ANKRD31: variants seen among roughly 807,000 people sequenced by gnomAD.
ANKRD31 encodes ankyrin repeat domain-containing protein 31.
Under a neutral mutation model 186.0 loss-of-function variants are expected in ANKRD31, and 147 were observed. That is an observed-to-expected ratio of 0.79 (90% confidence interval 0.69 to 0.91). ANKRD31 has a LOEUF of 0.91. ANKRD31 is among the 40% of genes least tolerant of loss of function. ANKRD31 has a pLI of 0.00. For missense variants in ANKRD31, 1,986 were observed against 2,148.8 expected, an observed-to-expected ratio of 0.92 and a Z score of 1.50; for synonymous variants, 673 against 736.4, an observed-to-expected ratio of 0.91 and a Z score of 1.39.
At chr5:75,115,017 G>T (rs886757179) in intron 19 of ANKRD31, among the ~76,000 whole-genome samples, 5 of 152,014 alleles carry the variant, frequency 3.3e-5, no homozygotes, top group Admixed American at 6.6e-5. Context: ...ATACTACAAG[G>T]CTACAGTAAC....
intron 11 of ANKRD31, among the ~76,000 whole-genome samples, chr5:75,166,864 G>A (rs1752960101): frequency 6.6e-6 from 1 of 152,102 alleles, no homozygotes; most frequent in African/African-American, 2.4e-5. Context: ...CTGATCATTT[G>A]TAATTCTCAA....
chr5:75,229,608 T>G (rs1337022250), intron 2 of ANKRD31, among the ~76,000 whole-genome samples: 2 of 152,172 alleles, frequency 1.3e-5, no homozygotes, highest in African/African-American at 2.4e-5. Context: ...AACTCATACC[T>G]GTAATCCCAG....
At chr5:75,179,816 T>C (rs934047877) in intron 10 of ANKRD31, among the ~76,000 whole-genome samples, 1 of 152,004 alleles carries the variant, frequency 6.6e-6, no homozygotes, top group African/African-American at 2.4e-5. Flanking sequence ...TCCTTGAAAA[T>C]GGGCACAAGA....
intron 23 of ANKRD31, 33 bp downstream of exon 23, chr5:75,091,228 A>T: frequency 6.7e-7 from 1 of 1,496,982 alleles, no homozygotes; most frequent in Non-Finnish European, 8.8e-7. Flanking sequence ...CCATTTGAAT[A>T]TGAAGTTAAA....
intron 3 of ANKRD31, among the ~76,000 whole-genome samples, chr5:75,212,135 T>C (rs1018931041): frequency 6.6e-6 from 1 of 152,190 alleles, no homozygotes; most frequent in African/African-American, 2.4e-5. Flanking sequence ...TCATAACTCC[T>C]TTCCATACAT....
At chr5:75,140,528 C>G (rs1359677354) in intron 15 of ANKRD31, among the ~76,000 whole-genome samples, 1 of 152,180 alleles carries the variant, frequency 6.6e-6, no homozygotes, top group Non-Finnish European at 1.5e-5. Context: ...TCCTAATGAT[C>G]CTCACCATCT....
At chr5:75,120,212 T>C (rs1478026607) in intron 17 of ANKRD31, among the ~76,000 whole-genome samples, 5 of 152,074 alleles carry the variant, frequency 3.3e-5, no homozygotes, top group Middle Eastern at 3.4e-3. Flanking sequence ...CTGTGCAACA[T>C]AGGGAGACCT....
chr5:75,104,347 T>C lies in ANKRD31; in HGVS notation c.5212A>G (p.Thr1738Ala), dbSNP rs1226257093. ...CTGTAGTTTAAAGCCTTTTTTATTGTATCTTGTTGCCCAGATCCAGAGGAA... is the reference window on the plus strand; with the variant it reads ...CTGTAGTTTAAAGCCTTTTTTATTGCATCTTGTTGCCCAGATCCAGAGGAA... ...SSSSGSGQQD[T>A]IKKALNYSTA... is the part of the protein sequence containing the mutation. Residue 1738 changes from threonine (T) to alanine (A), a missense_variant, in exon 22 of 26, where the codon ACA becomes GCA. Transcript: ENST00000506364. The C allele has an allele frequency of 3.3e-6, 5 of 1,537,140 alleles. No homozygotes were observed. The highest frequency in any genetic ancestry group is 4.4e-6 in the Non-Finnish European group (5 of 1,146,900).
chr5:75,211,088 T>C (rs1224323499), intron 3 of ANKRD31, among the ~76,000 whole-genome samples: 1 of 152,150 alleles, frequency 6.6e-6, no homozygotes, highest in African/African-American at 2.4e-5. Flanking sequence ...ACCAAGACCA[T>C]CATGAACTTC....
intron 11 of ANKRD31, among the ~76,000 whole-genome samples, chr5:75,162,480 ACTTGT>A (rs1382483537): frequency 3.3e-5 from 5 of 152,150 alleles, no homozygotes; most frequent in African/African-American, 1.2e-4. Flanking sequence ...GGTGGAAGGG[ACTTGT>A]CTTGTCTCAG....
chr5:75,203,533 C>T lies in ANKRD31; in HGVS notation c.403+2878G>A, dbSNP rs1413425816. Among the ~76,000 whole-genome samples the T allele has an allele frequency of 5.3e-5, 8 of 151,734 alleles. No homozygotes were observed. The East Asian group carries it at 1.6e-3, about 29-fold the overall frequency. ...CAAAAATTAGCCAGGCCTGGTGGCA[C>T]GTGCCTATAATCCCAGCTACTCAGG... On this transcript the variant is annotated intron_variant, in intron 5 of 25. Transcript: ENST00000506364.
intron 10 of ANKRD31, among the ~76,000 whole-genome samples, chr5:75,178,806 A>T (rs1580495939): frequency 6.6e-6 from 1 of 152,202 alleles, no homozygotes; most frequent in South Asian, 2.1e-4. Context: ...TTGACACCCT[A>T]ACTTCACAAT....
At position 75,118,194 on chromosome 5, in the gene ANKRD31, A is replaced by G; in HGVS notation, c.3980T>C (p.Leu1327Pro). 2 of 1,528,394 alleles carry G rather than the reference A, an allele frequency of 1.3e-6. No homozygotes were observed. The highest frequency in any genetic ancestry group is 1.2e-5 in the South Asian group (1 of 81,930). 94.7% of individuals were successfully genotyped at this position (1,528,394 alleles called of 1,614,324 possible). The change falls in exon 18 of 26, where the codon CTA becomes CCA. Residue 1327 changes from leucine to proline, a missense_variant. Physicochemically the swap from Leu to Pro is moderately conservative, Grantham distance 98 (BLOSUM62 -3). Transcript: ENST00000506364. ...EADDEKMKEL[L>P]RSYGAIETVN... Reference sequence around the variant, plus strand: ...AGTCTCAATAGCACCATAAGATCTTAGTAATTCTTTCATTTTTTCATCATC... The same window carrying G: ...AGTCTCAATAGCACCATAAGATCTTGGTAATTCTTTCATTTTTTCATCATC...
At chr5:75,118,874 A>G (rs1404027218) in intron 17 of ANKRD31, among the ~76,000 whole-genome samples, 1 of 152,074 alleles carries the variant, frequency 6.6e-6, no homozygotes, top group African/African-American at 2.4e-5. Flanking sequence ...TCTTTCCCCA[A>G]GCTGCTGGAG....
At chr5:75,125,845 G>C (rs563986294) in intron 17 of ANKRD31, among the ~76,000 whole-genome samples, 3 of 152,306 alleles carry the variant, frequency 2.0e-5, no homozygotes, top group Admixed American at 2.0e-4. Context: ...GAGTGGGCCT[G>C]AGGGCCGAAG....
chr5:75,174,584 C>A (rs564280536), intron 10 of ANKRD31, among the ~76,000 whole-genome samples: 3 of 152,280 alleles, frequency 2.0e-5, no homozygotes, highest in African/African-American at 7.2e-5. Context: ...TGAACAGACA[C>A]TTCTCAAAAG....
At chr5:75,154,450 T>C (rs1011262991) in intron 11 of ANKRD31, 105 bp from the exon 12 acceptor site, 82 of 1,030,496 alleles carry the variant, frequency 8.0e-5, no homozygotes, top group Middle Eastern at 4.4e-4. Flanking sequence ...CTTTTGAAAA[T>C]ACTGTTTGGA....
intron 1 of ANKRD31, among the ~76,000 whole-genome samples, chr5:75,233,807 T>C (rs1328201980): frequency 6.6e-6 from 1 of 151,914 alleles, no homozygotes; most frequent in African/African-American, 2.4e-5. Flanking sequence ...TCCCAGCTAC[T>C]CAGCAGACCC....
chr5:75,094,414 T>C (rs1746157659), intron 22 of ANKRD31, among the ~76,000 whole-genome samples: 1 of 152,180 alleles, frequency 6.6e-6, no homozygotes. Context: ...AATAATGCTC[T>C]ACAGAAGTAA....
Sources: gnomAD v4.1 joint callset for allele counts (sites outside exome capture counted in the v4.1 genomes callset) on GRCh38, gnomAD v4.1.1 for gene constraint, MANE v1.5 for transcripts, NCBI Gene and HGNC (gene_info 2026-07-23, HGNC 2026-07-21) for gene names.